Variants in TBCK observed in about 807,000 individuals in gnomAD.
The protein encoded by TBCK is TBC domain-containing protein kinase-like protein.
A neutral mutation model predicts 113.4 loss-of-function variants in TBCK; 99 were observed. That is an observed-to-expected ratio of 0.87 (90% CI 0.74 to 1.03). TBCK has a LOEUF of 1.03. TBCK is among the 50% of genes least tolerant of loss of function. TBCK has a pLI of 0.00. For missense variants in TBCK, 1,045 were observed against 1,061.3 expected, an observed-to-expected ratio of 0.98 and a Z score of 0.21; for synonymous variants, 369 against 370.8, an observed-to-expected ratio of 1.00 and a Z score of 0.05.
intron 20 of TBCK, among the ~76,000 whole-genome samples, chr4:106,199,308 C>T (rs1297063492): frequency 1.3e-5 from 2 of 152,094 alleles, no homozygotes; most frequent in Non-Finnish European, 2.9e-5. Flanking sequence ...TTTCCCTCCA[C>T]TTGGCTTCCA....
intron 5 of TBCK, among the ~76,000 whole-genome samples, chr4:106,253,355 T>C (rs1241635832): frequency 1.3e-5 from 2 of 152,180 alleles, no homozygotes; most frequent in Non-Finnish European, 2.9e-5. Context: ...TACATTCAAA[T>C]GGCAATGGCA....
chr4:106,170,789 T>A (rs1223701499), intron 23 of TBCK, among the ~76,000 whole-genome samples: 1 of 152,122 alleles, frequency 6.6e-6, no homozygotes, highest in East Asian at 1.9e-4. Context: ...ATTTTTTTAA[T>A]TCTTTCTTTG....
chr4:106,161,715 TG>T (rs1260375614), intron 23 of TBCK, among the ~76,000 whole-genome samples: 1 of 151,884 alleles, frequency 6.6e-6, no homozygotes, highest in Non-Finnish European at 1.5e-5. Flanking sequence ...TGTGTGTGTG[TG>T]TGTGTGTGTG....
chr4:106,244,842 C>CT, intron 10 of TBCK, 78 bp from the exon 11 acceptor site: 1 of 860,206 alleles, frequency 1.2e-6, no homozygotes, highest in Non-Finnish European at 1.7e-6. Flanking sequence ...TAATAGCTGC[C>CT]ATTCTAAAAA....
chr4:106,213,792 G>A (rs1756488114), intron 19 of TBCK: 1 of 156,442 alleles, frequency 6.4e-6, no homozygotes, highest in African/African-American at 2.4e-5. Context: ...GGCTGGGGGA[G>A]GGGCGCCCAC....
intron 22 of TBCK, among the ~76,000 whole-genome samples, chr4:106,190,115 A>C (rs550409615): frequency 6.6e-6 from 1 of 152,210 alleles, no homozygotes; most frequent in African/African-American, 2.4e-5. Context: ...TACTGGCTAT[A>C]ATAAGCTATT....
intron 12 of TBCK, among the ~76,000 whole-genome samples, chr4:106,239,218 A>G (rs1195482325): frequency 4.0e-5 from 6 of 151,714 alleles, no homozygotes; most frequent in East Asian, 1.9e-4. Context: ...GAAATACCCA[A>G]CTCCAGCCCC....
chr4:106,074,079 C>G (rs1013438992), intron 25 of TBCK, among the ~76,000 whole-genome samples: 5 of 152,214 alleles, frequency 3.3e-5, no homozygotes, highest in African/African-American at 1.2e-4. Context: ...CCAGGTGAGG[C>G]AATGCCCTGC....
At chr4:106,301,123 C>T (rs1766888437) in intron 2 of TBCK, among the ~76,000 whole-genome samples, 1 of 151,724 alleles carries the variant, frequency 6.6e-6, no homozygotes, top group Non-Finnish European at 1.5e-5. Context: ...AACCAATTCC[C>T]AGCAATTCTT....
At chr4:106,261,046 A>G (rs541243792) in intron 4 of TBCK, among the ~76,000 whole-genome samples, 2 of 152,078 alleles carry the variant, frequency 1.3e-5, no homozygotes, top group Admixed American at 1.3e-4. Context: ...AATAACTATC[A>G]TAAGTATAAG....
chr4:106,316,672 T>C, upstream of TBCK: 2 of 1,442,940 alleles, frequency 1.4e-6, no homozygotes, highest in Non-Finnish European at 1.9e-6. Flanking sequence ...CTAACTTGCC[T>C]CCAGGAGAGA....
chr4:106,235,954 A>C, intron 14 of TBCK, among the ~76,000 whole-genome samples: 1 of 152,028 alleles, frequency 6.6e-6, no homozygotes, highest in South Asian at 2.1e-4. Flanking sequence ...TGAGAGTTCC[A>C]ATATCATTGC....
Position 106,046,298 on chromosome 4 carries a change from G to C in TBCK, c.*272C>G, listed in dbSNP as rs1578738066. The C allele has an allele frequency of 6.9e-6, 2 of 290,036 alleles. No individual in the cohort carries two copies. The highest frequency in any genetic ancestry group is 1.5e-4 in the East Asian group (2 of 13,258). 18.0% of individuals were successfully genotyped at this position (290,036 alleles called of 1,614,324 possible). On this transcript the variant is annotated 3_prime_UTR_variant, in exon 26 of 26. Coordinates refer to ENST00000394708, the MANE Select transcript of TBCK (RefSeq NM_001163435.3). ...TAATGCTAAATCTGTCTTGTCAGCT[G>C]AATTTCTTGGGCTTTATGTGGCAGT... is the stretch of plus-strand genomic sequence containing the variant.
intron 23 of TBCK, among the ~76,000 whole-genome samples, chr4:106,131,510 G>T (rs914359985): frequency 6.6e-6 from 1 of 152,210 alleles, no homozygotes; most frequent in African/African-American, 2.4e-5. Context: ...CTACTTGGGA[G>T]GCTGAGGCAG....
chr4:106,120,524 A>G (rs953632687), intron 23 of TBCK, among the ~76,000 whole-genome samples: 3 of 152,166 alleles, frequency 2.0e-5, no homozygotes, highest in African/African-American at 7.2e-5. Context: ...GGTACAGACA[A>G]ACAAAAAGAC....
intron 2 of TBCK, among the ~76,000 whole-genome samples, chr4:106,306,574 GGCATCTAGCAGAA>G (rs1767552490): frequency 6.6e-6 from 1 of 151,738 alleles, no homozygotes; most frequent in Non-Finnish European, 1.5e-5. Context: ...TTGTATATTT[GGCATCTAGCAGAA>G]GGAGGGCCAT....
intron 2 of TBCK, among the ~76,000 whole-genome samples, chr4:106,300,066 TTAA>T (rs1226568040): frequency 3.8e-4 from 58 of 152,270 alleles, no homozygotes; most frequent in African/African-American, 1.3e-3. Context: ...CTTGTGATAA[TTAA>T]TAAGTCTCAT....
At chr4:106,285,283 T>C (rs1262803925) in intron 3 of TBCK, among the ~76,000 whole-genome samples, 1 of 152,110 alleles carries the variant, frequency 6.6e-6, no homozygotes, top group Non-Finnish European at 1.5e-5. Flanking sequence ...AAAACAAACT[T>C]ATGTTCTCCT....
At chr4:106,072,949 G>C (rs1285439136) in intron 25 of TBCK, among the ~76,000 whole-genome samples, 1 of 152,134 alleles carries the variant, frequency 6.6e-6, no homozygotes, top group Non-Finnish European at 1.5e-5. Context: ...AGCTCCATCA[G>C]GTCACTTAAG....
Sources: gnomAD v4.1 joint callset for allele counts (sites outside exome capture counted in the v4.1 genomes callset) on GRCh38, gnomAD v4.1.1 for gene constraint, MANE v1.5 for transcripts, NCBI Gene and HGNC (gene_info 2026-07-23, HGNC 2026-07-21) for gene names.